The following SYNE1 variants were observed in gnomAD, a reference collection of about 807,000 sequenced individuals.
SYNE1 encodes the protein spectrin repeat containing nuclear envelope protein 1, also known as nesprin-1.
In SYNE1, 616 loss-of-function variants were observed where a neutral mutation model predicts 1,111.0. That is an observed-to-expected ratio of 0.55 (90% CI 0.52 to 0.59). SYNE1 has a LOEUF of 0.59. Ranked by LOEUF, SYNE1 falls within the 20% of genes least tolerant of loss-of-function variation. The probability of loss-of-function intolerance (pLI) is 0.00; values close to 1 mark genes in which losing one functional copy is unlikely to be tolerated. For synonymous variants in SYNE1, 3,855 were observed against 3,825.8 expected (o/e 1.01, Z -0.28); for missense variants, 10,006 against 10,417.0 (o/e 0.96, Z 1.72).
At chr6:152,620,265 A>T (rs1256058431) in intron 3 of SYNE1, among the ~76,000 whole-genome samples, 2 of 143,284 alleles carry the variant, frequency 1.4e-5, no homozygotes, top group East Asian at 4.3e-4. Context: ...GACTCTCCTC[A>T]TTCCCCACTT....
At chr6:152,249,877 TTTATA>T (rs1173408915) in intron 104 of SYNE1, among the ~76,000 whole-genome samples, 6 of 152,158 alleles carry the variant, frequency 3.9e-5, no homozygotes, top group African/African-American at 1.2e-4. Flanking sequence ...TCCAAATATA[TTTATA>T]TTGAGTTAGA....
At chr6:152,447,242 G>A (rs1310884183) in intron 29 of SYNE1, among the ~76,000 whole-genome samples, 1 of 152,160 alleles carries the variant, frequency 6.6e-6, no homozygotes, top group Non-Finnish European at 1.5e-5. Flanking sequence ...TATAGGTCAT[G>A]AACCTGAACT....
In SYNE1 at chr6:152,231,434, A is replaced by G. The variant is rs2082725339; in HGVS notation, c.20996T>C (p.Met6999Thr). Reference sequence around the variant, plus strand: ...TTGCAGAATTTGCCAACTTTTATTCATTGCTCCAAGTTGCTCAGCAAAATC... The same window carrying G: ...TTGCAGAATTTGCCAACTTTTATTCGTTGCTCCAAGTTGCTCAGCAAAATC... ...KTDFAEQLGA[M>T]NKSWQILQGL... Residue 6999 changes from methionine (M) to threonine (T), a missense_variant, in exon 114 of 146, where the codon ATG becomes ACG. Transcript: ENST00000367255. 1 of 1,614,056 alleles carries G rather than the reference A, an allele frequency of 6.2e-7. No homozygotes were observed. The highest frequency in any genetic ancestry group is 1.3e-5 in the African/African-American group (1 of 75,006).
At chr6:152,376,580 T>G (rs774473927) in intron 57 of SYNE1, 22 bp from the exon 58 acceptor site, 4 of 1,612,794 alleles carry the variant, frequency 2.5e-6, no homozygotes, top group South Asian at 1.1e-5. Context: ...ACGCAAAAAT[T>G]TAATGGCAGG....
At chr6:152,443,406 A>C (rs982436164) in intron 30 of SYNE1, among the ~76,000 whole-genome samples, 6 of 151,974 alleles carry the variant, frequency 3.9e-5, no homozygotes, top group African/African-American at 1.2e-4. Flanking sequence ...CTGGGACCAC[A>C]GGCGCCCACC....
At position 152,456,017 on chromosome 6, in the gene SYNE1, T is replaced by G; in HGVS notation, c.2596A>C (p.Lys866Gln). ...TTCTCAATAAGTGTCAAGGTTTTCT[T>G]ACAGTTTTCTTGACAAGCTAACAGT... ...QELLACQENC[K>Q]KTLTLIEKGS... The change falls in exon 23 of 146, where the codon AAG becomes CAG. Residue 866 changes from lysine to glutamine, a missense_variant. This residue lies in a region of SYNE1 where 1,971 missense variants were observed against 2,084.1 expected (regional missense o/e 0.95). Coordinates refer to ENST00000367255, the MANE Select transcript of SYNE1 (RefSeq NM_182961.4). The G allele has an allele frequency of 6.2e-7, 1 of 1,613,898 alleles. No homozygotes were observed. Among genetic ancestry groups the G allele is most frequent in the South Asian group, 1.1e-5 (1 of 91,086 alleles).
chr6:152,122,595 G>A lies in SYNE1; in HGVS notation c.26235C>T (p.Leu8745=), dbSNP rs2051662251. The change falls in exon 146 of 146, where the codon CTC becomes CTT. Residue 8745 remains leucine, a synonymous_variant. Coordinates refer to ENST00000367255, the MANE Select transcript of SYNE1 (RefSeq NM_182961.4). ...GAAGCTGAAGGGGAAGAGCTGCTCG[G>A]AGGACTCTGAACAGGAAGCCGCGGC... The part of the protein sequence containing the change: ...RSGRGFLFRV[L]RAALPLQLLL... The A allele has an allele frequency of 6.2e-7, 1 of 1,614,216 alleles. No individual in the cohort carries two copies. Among genetic ancestry groups the A allele is most frequent in the Non-Finnish European group, 8.5e-7 (1 of 1,180,038 alleles).
intron 3 of SYNE1, among the ~76,000 whole-genome samples, chr6:152,606,654 T>C (rs910927240): frequency 6.6e-6 from 1 of 152,092 alleles, no homozygotes; most frequent in Admixed American, 6.6e-5. Flanking sequence ...TTTGTTTGTT[T>C]GTTTGTTTTT....
chr6:152,387,071 C>A lies in SYNE1; in HGVS notation c.8487+1G>T. 1 of 1,611,834 alleles carries A rather than the reference C, an allele frequency of 6.2e-7. No individual in the cohort carries two copies. Among genetic ancestry groups the A allele is most frequent in the Non-Finnish European group, 8.5e-7 (1 of 1,178,476 alleles). ...ATCTACTTTCAATATAAAGCACTAACCTTGGCAACAGTCATTATATCATTA... is the reference window on the plus strand; with the variant it reads ...ATCTACTTTCAATATAAAGCACTAAACTTGGCAACAGTCATTATATCATTA... On this transcript the variant is annotated splice_donor_variant, in intron 54 of 145. Coordinates refer to ENST00000367255, the MANE Select transcript of SYNE1 (RefSeq NM_182961.4). LOFTEE classifies it high-confidence loss of function.
At chr6:152,344,058 A>G in intron 74 of SYNE1, 23 bp downstream of exon 74, 6 of 1,614,102 alleles carry the variant, frequency 3.7e-6, no homozygotes, top group Non-Finnish European at 4.2e-6. Flanking sequence ...CAAGAATAAC[A>G]CAAACTTTCA....
intron 100 of SYNE1, among the ~76,000 whole-genome samples, chr6:152,264,068 G>C (rs763120513): frequency 1.3e-4 from 19 of 151,602 alleles, no homozygotes; most frequent in Admixed American, 3.9e-4. Flanking sequence ...AATTAGCCAG[G>C]CATGGTGGCG....
At chr6:152,145,267 T>C in intron 137 of SYNE1, 1 of 596,138 alleles carries the variant, frequency 1.7e-6, no homozygotes, top group Non-Finnish European at 3.0e-6. Flanking sequence ...CCAATCACCA[T>C]TTAACAAGTT....
chr6:152,227,308 G>C (rs943456609), intron 115 of SYNE1, among the ~76,000 whole-genome samples: 3 of 152,084 alleles, frequency 2.0e-5, no homozygotes, highest in African/African-American at 7.2e-5. Flanking sequence ...GTAGCTAAAT[G>C]CAAGATATTA....
In SYNE1 at chr6:152,395,543, A is replaced by T; in HGVS notation, c.7685T>A (p.Met2562Lys). ...TGCAGCCAGCAGTTCTCCCAAAAAC[A>T]TTTCAACTTTATGAACTTCATTTTT... ...EKKNEVHKVE[M>K]FLGELLAARE... is the part of the protein sequence containing the mutation. The change falls in exon 51 of 146, where the codon ATG becomes AAG. Residue 2562 changes from methionine (M) to lysine (K), a missense_variant. Transcript: ENST00000367255. 1 of 1,614,034 alleles carries T rather than the reference A, an allele frequency of 6.2e-7. No individual in the cohort carries two copies. The highest frequency in any genetic ancestry group is 1.1e-5 in the South Asian group (1 of 91,064).
intron 95 of SYNE1, among the ~76,000 whole-genome samples, chr6:152,289,713 G>A (rs1314716046): frequency 2.6e-5 from 4 of 152,008 alleles, no homozygotes; most frequent in Admixed American, 6.5e-5. Flanking sequence ...TGCAAGCTCC[G>A]CCTCCCAGGT....
At chr6:152,570,273 T>A (rs2128302881) in intron 3 of SYNE1, among the ~76,000 whole-genome samples, 1 of 152,340 alleles carries the variant, frequency 6.6e-6, no homozygotes, top group African/African-American at 2.4e-5. Context: ...AGGTATTTGA[T>A]TGTCCCGAAC....
At chr6:152,418,958 A>G (rs986730732) in intron 40 of SYNE1, among the ~76,000 whole-genome samples, 16 of 152,298 alleles carry the variant, frequency 1.1e-4, no homozygotes, top group African/African-American at 3.8e-4. Flanking sequence ...TTCTTTCTGT[A>G]TAACATAAAA....
chr6:152,485,122 C>T, intron 12 of SYNE1, 150 bp from the exon 13 acceptor site: 1 of 928,610 alleles, frequency 1.1e-6, no homozygotes, highest in South Asian at 1.6e-5. Context: ...ATACTAATAG[C>T]AGCTGTCATT....
intron 37 of SYNE1, 67 bp from the exon 38 acceptor site, chr6:152,427,883 G>A: frequency 6.2e-7 from 1 of 1,606,868 alleles, no homozygotes; most frequent in Non-Finnish European, 8.5e-7. Flanking sequence ...AAACCTTTGT[G>A]AAGTTGGAGG....
Sources: gnomAD v4.1 joint callset for allele counts (sites outside exome capture counted in the v4.1 genomes callset) on GRCh38, gnomAD v4.1.1 for gene constraint, gnomAD v4.1.1 regional missense constraint, MANE v1.5 for transcripts, NCBI Gene and HGNC (gene_info 2026-07-23, HGNC 2026-07-21) for gene names.